SFXN5: variants seen among roughly 807,000 people sequenced by gnomAD.
The protein encoded by SFXN5 is sideroflexin 5.
In SFXN5, 43 loss-of-function variants were observed where a neutral mutation model predicts 50.2. The ratio of observed to expected loss-of-function variants is 0.86; its 90% CI spans 0.67 to 1.11. The LOEUF (loss-of-function observed/expected upper bound fraction) is 1.11, where lower values mean the gene tolerates loss of function less well. SFXN5 is among the 50% of genes least tolerant of loss of function. The pLI, the probability that SFXN5 is intolerant of heterozygous loss-of-function variation, is 0.00. For missense variants in SFXN5, 463 were observed against 454.1 expected (o/e 1.02, Z -0.18); for synonymous variants, 203 against 185.8 (o/e 1.09, Z -0.75).
chr2:73,004,315 G>GCACA (rs59114781), intron 6 of SFXN5, among the ~76,000 whole-genome samples: 4,599 of 115,552 alleles, frequency 0.04, 98 homozygotes, highest in African/African-American at 0.057. Context: ...GAGTGCGCGC[G>GCACA]CACACACACA....
At chr2:73,050,903 A>C (rs934403317) in intron 2 of SFXN5, among the ~76,000 whole-genome samples, 2 of 152,178 alleles carry the variant, frequency 1.3e-5, no homozygotes, top group Non-Finnish European at 2.9e-5. Flanking sequence ...CGCTCTTCTT[A>C]CGTTTTACTA....
intron 10 of SFXN5, among the ~76,000 whole-genome samples, chr2:72,987,968 A>T (rs972563461): frequency 1.3e-5 from 2 of 152,188 alleles, no homozygotes; most frequent in Admixed American, 1.3e-4. Context: ...GGTTAATGTA[A>T]ATCTTTTCCC....
intron 1 of SFXN5, 45 bp downstream of exon 1, chr2:73,071,559 T>C: frequency 6.3e-7 from 1 of 1,579,142 alleles, no homozygotes; most frequent in Non-Finnish European, 8.6e-7. Context: ...TTGCTCGTCC[T>C]CTCTTTGCCA....
intron 6 of SFXN5, among the ~76,000 whole-genome samples, chr2:73,016,849 T>C (rs942497088): frequency 1.3e-4 from 20 of 152,182 alleles, no homozygotes; most frequent in Non-Finnish European, 2.1e-4. Flanking sequence ...ATATCGTAAG[T>C]TGAAAATGGG....
intron 2 of SFXN5, among the ~76,000 whole-genome samples, chr2:73,054,794 G>C (rs904267657): frequency 6.6e-6 from 1 of 152,220 alleles, no homozygotes; most frequent in Non-Finnish European, 1.5e-5. Context: ...AATGTGTCTA[G>C]TTTTGCAGTT....
At position 73,063,662 on chromosome 2, in the gene SFXN5, T is replaced by G. The variant is rs540374401; in HGVS notation, c.103-5066A>C. Reference sequence around the variant, plus strand: ...GAGGTAGATGGTTCATTCCTAATGATATGACTTAAACAGCAAAGTTCCTGG... The same window carrying G: ...GAGGTAGATGGTTCATTCCTAATGAGATGACTTAAACAGCAAAGTTCCTGG... On this transcript the variant is annotated intron_variant, in intron 1 of 13. Transcript: ENST00000272433. Among the ~76,000 whole-genome samples, 9 of 152,316 alleles carry G rather than the reference T, an allele frequency of 5.9e-5. No homozygotes were observed. The South Asian group carries it at 6.2e-4, about 11-fold the overall frequency.
In SFXN5 at chr2:72,961,551, C is replaced by T. The variant is rs760196883; in HGVS notation, c.828-303G>A. Among the ~76,000 whole-genome samples, 3 of 152,190 alleles carry T rather than the reference C, an allele frequency of 2.0e-5. No individual in the cohort carries two copies. The highest frequency in any genetic ancestry group is 4.8e-5 in the African/African-American group (2 of 41,430). ...CACCCACCCGCCACGCGTCCAGCCC[C>T]GTGCCAAGAAGGCCCTATGTGGGAG... On this transcript the variant is annotated intron_variant, in intron 12 of 13. Coordinates refer to ENST00000272433, the MANE Select transcript of SFXN5 (RefSeq NM_144579.3). The surrounding 1 kb of genome is among the most constrained non-coding windows in gnomAD (Gnocchi z 4.4).
chr2:73,004,313 G>GCA (rs1239165881), intron 6 of SFXN5, among the ~76,000 whole-genome samples: 2,280 of 138,468 alleles, frequency 0.016, 61 homozygotes, highest in African/African-American at 0.062. Context: ...ATGAGTGCGC[G>GCA]CGCACACACA....
intron 6 of SFXN5, among the ~76,000 whole-genome samples, chr2:73,004,311 G>GCACACACACACACACA (rs1491084147): frequency 1.1e-5 from 1 of 89,622 alleles, no homozygotes; most frequent in African/African-American, 5.8e-5. Context: ...GAATGAGTGC[G>GCACACACACACACACA]CGCGCACACA....
At chr2:73,024,342 A>T (rs1677284380) in intron 3 of SFXN5, among the ~76,000 whole-genome samples, 1 of 152,152 alleles carries the variant, frequency 6.6e-6, no homozygotes, top group South Asian at 2.1e-4. Flanking sequence ...CAAATCAAGG[A>T]AACATGGCAA....
chr2:72,946,745 CCCA>C (rs1364102553), intron 13 of SFXN5, among the ~76,000 whole-genome samples: 1 of 152,142 alleles, frequency 6.6e-6, no homozygotes, highest in Admixed American at 6.5e-5. Context: ...CCCGTCCCTC[CCCA>C]CAAGGTCTCA....
rs560751553 is a variant in SFXN5, at chr2:72,946,999, C to T, written c.946-1900G>A. ...TTGCCTGAGTTGTTCAGAGACACCC[C>T]GTCCTACTTCCATTCCTGCCCCTAC... is the stretch of plus-strand genomic sequence containing the variant. On this transcript the variant is annotated intron_variant, in intron 13 of 13. Coordinates refer to ENST00000272433, the MANE Select transcript of SFXN5 (RefSeq NM_144579.3). Among the ~76,000 whole-genome samples the T allele has an allele frequency of 5.3e-5, 8 of 152,292 alleles. No individual in the cohort carries two copies. The East Asian group carries it at 5.8e-4, about 11-fold the overall frequency.
At chr2:73,026,840 T>G (rs1037813840) in intron 3 of SFXN5, among the ~76,000 whole-genome samples, 2 of 152,158 alleles carry the variant, frequency 1.3e-5, no homozygotes, top group African/African-American at 2.4e-5. Context: ...GCGATTCTCC[T>G]GCCTCAGCCT....
chr2:73,030,400 C>T (rs1026661561), intron 3 of SFXN5, among the ~76,000 whole-genome samples: 6 of 151,982 alleles, frequency 3.9e-5, no homozygotes, highest in Non-Finnish European at 8.8e-5. Context: ...GTTGTAGAAA[C>T]GGGATCTCGC....
At chr2:73,011,428 T>C (rs1051961004) in intron 6 of SFXN5, among the ~76,000 whole-genome samples, 2 of 152,222 alleles carry the variant, frequency 1.3e-5, no homozygotes, top group African/African-American at 2.4e-5. Context: ...GAGATCATTA[T>C]ATTTAAAGAC....
At chr2:72,979,687 G>T (rs1161256072) in intron 10 of SFXN5, among the ~76,000 whole-genome samples, 1 of 152,094 alleles carries the variant, frequency 6.6e-6, no homozygotes, top group Admixed American at 6.6e-5. Flanking sequence ...AAACTACTGT[G>T]GCTATTAAGG....
Position 73,058,388 on chromosome 2 carries a change from G to C in SFXN5, c.171+140C>G, listed in dbSNP as rs1574263167. 7 of 709,466 alleles carry C rather than the reference G, an allele frequency of 9.9e-6. No individual in the cohort carries two copies. In the East Asian group the frequency reaches 1.9e-4, roughly 19 times the overall value. 43.9% of individuals were successfully genotyped at this position (709,466 alleles called of 1,614,324 possible). On this transcript the variant is annotated intron_variant, in intron 2 of 13. Transcript: ENST00000272433. ...ATAAACAGACAGCTACAGGTAGAGA[G>C]AATTTGTTACCTTCCTCTCACCTCT... is the stretch of plus-strand genomic sequence containing the variant.
rs1670336158 is a variant in SFXN5, at chr2:72,973,993, G to A, written c.626-2308C>T. On this transcript the variant is annotated intron_variant, in intron 10 of 13. Transcript: ENST00000272433. The surrounding 1 kb of genome is among the most constrained non-coding windows in gnomAD (Gnocchi z 5.5). ...GGCAAAGTTACAGGAATGTGGTCCAGGAGACGAGCATCCTGCTAAAGTCAG... is the reference window on the plus strand; with the variant it reads ...GGCAAAGTTACAGGAATGTGGTCCAAGAGACGAGCATCCTGCTAAAGTCAG... 1.3e-5 allele frequency among the ~76,000 whole-genome samples: 2 copies of A among 152,210 alleles called. No homozygotes were observed. The highest frequency in any genetic ancestry group is 4.1e-4 in the South Asian group (2 of 4,828).
At chr2:73,043,051 G>A (rs1489440668) in intron 2 of SFXN5, among the ~76,000 whole-genome samples, 1 of 152,230 alleles carries the variant, frequency 6.6e-6, no homozygotes, top group Non-Finnish European at 1.5e-5. Context: ...CTGGGCGACA[G>A]AGTGAGCCTG....
Sources: gnomAD v4.1 joint callset for allele counts (sites outside exome capture counted in the v4.1 genomes callset) on GRCh38, gnomAD v4.1.1 for gene constraint, Gnocchi (gnomAD v3.1) non-coding constraint, MANE v1.5 for transcripts, NCBI Gene and HGNC (gene_info 2026-07-23, HGNC 2026-07-21) for gene names.